The following IP6K3 variants were observed in gnomAD, a reference collection of about 807,000 sequenced individuals.
IP6K3 encodes the protein inositol hexakisphosphate kinase 3.
In IP6K3, 20 loss-of-function variants were observed where a neutral mutation model predicts 28.8. The observed-to-expected ratio is 0.70, with a 90% CI of 0.49 to 1.01. The LOEUF (loss-of-function observed/expected upper bound fraction) is 1.01. IP6K3 is among the 50% of genes least tolerant of loss of function. The pLI is 0.00. For synonymous variants in IP6K3, 213 were observed against 221.3 expected, an observed-to-expected ratio of 0.96 and a Z score of 0.33; for missense variants, 480 against 537.1, an observed-to-expected ratio of 0.89 and a Z score of 1.05.
the IP6K3 span, among the ~76,000 whole-genome samples, chr6:33,756,319 T>G: frequency 6.6e-6 from 1 of 151,936 alleles, no homozygotes; most frequent in Non-Finnish European, 1.5e-5. Context: ...AGCAGAGACT[T>G]GAGGAGGTAG....
intron 2 of IP6K3, among the ~76,000 whole-genome samples, chr6:33,728,842 T>C (rs1305028306): frequency 6.6e-6 from 1 of 152,168 alleles, no homozygotes; most frequent in African/African-American, 2.4e-5. Flanking sequence ...AGGCTTCCTC[T>C]CACAGCCTTC....
chr6:33,728,315 G>A lies in IP6K3; in HGVS notation c.200-15C>T, dbSNP rs1027713243. ...TGTGACGGTACCTGCAAACACACAG[G>A]GAAGGGGAGGGGAGGAGCCAGTTGA... On this transcript the variant is annotated splice_polypyrimidine_tract_variant and intron_variant, in intron 2 of 5. Coordinates refer to ENST00000293756, the MANE Select transcript of IP6K3 (RefSeq NM_054111.5). 6.2e-6 allele frequency: 10 copies of A among 1,612,906 alleles called. No homozygotes were observed. The highest frequency in any genetic ancestry group is 5.0e-5 in the Admixed American group (3 of 60,012).
intron 1 of IP6K3, among the ~76,000 whole-genome samples, chr6:33,736,383 G>A (rs899876748): frequency 9.2e-5 from 14 of 151,952 alleles, no homozygotes; most frequent in Admixed American, 2.0e-4. Flanking sequence ...TTATGGGTAC[G>A]GGAGTGCTTG....
In IP6K3 at chr6:33,729,607, G is replaced by A. The variant is rs866598281; in HGVS notation, c.200-1307C>T. 4.6e-5 allele frequency among the ~76,000 whole-genome samples: 7 copies of A among 152,346 alleles called. No homozygotes were observed. In the Middle Eastern group the frequency reaches 0.01, roughly 222 times the overall value. ...TGTTCCTCTGTGGCCCTCCTGGCCT[G>A]GGGTGGTGACAGCTTTCCAGTGTTG... is the stretch of plus-strand genomic sequence containing the variant. On this transcript the variant is annotated intron_variant, in intron 2 of 5. Coordinates refer to ENST00000293756, the MANE Select transcript of IP6K3 (RefSeq NM_054111.5).
chr6:33,722,667 G>C lies in IP6K3; in HGVS notation c.*53C>G. 1.6e-6 allele frequency: 2 copies of C among 1,269,422 alleles called. No individual in the cohort carries two copies. Among genetic ancestry groups the C allele is most frequent in the Non-Finnish European group, 2.2e-6 (2 of 896,480 alleles). The allele number at this position is 1,269,422 out of a possible 1,614,324, so 78.6% of individuals were successfully genotyped here. A position where few individuals can be genotyped will look rare whatever the true frequency, so the allele number is the denominator to read the frequency against. ...GTCTGGACTACCCTAGCAACCAACA[G>C]GTCTCTATTTGAGATCTATAGCCCA... is the stretch of plus-strand genomic sequence containing the variant. On this transcript the variant is annotated 3_prime_UTR_variant, in exon 6 of 6. Coordinates refer to ENST00000293756, the MANE Select transcript of IP6K3 (RefSeq NM_054111.5).
At position 33,723,137 on chromosome 6, in the gene IP6K3, TC is replaced by T; in HGVS notation, c.815del (p.Gly272GlufsTer96). On this transcript the variant is annotated frameshift_variant, in exon 6 of 6. Transcript: ENST00000293756. LOFTEE classifies it low-confidence loss of function (END_TRUNC). ...KYFLCKDKYY[G>X]RKLSVEGFRQ... ...TGAACCCCTCCACTGAGAGTTTTCT[TC>T]CATAGTACTTGTCTTTGCAGAGAAA... 1 of 1,612,952 alleles carries T rather than the reference TC, an allele frequency of 6.2e-7. No individual in the cohort carries two copies. The highest frequency in any genetic ancestry group is 8.5e-7 in the Non-Finnish European group (1 of 1,179,490).
At chr6:33,751,280 C>T (rs1369145135), upstream of IP6K3, among the ~76,000 whole-genome samples, 1 of 152,194 alleles carries the variant, frequency 6.6e-6, no homozygotes, top group Non-Finnish European at 1.5e-5. The surrounding 1 kb of genome is among the most constrained non-coding windows in gnomAD (Gnocchi z 4.3). Context: ...CCTGCCCTGT[C>T]GGGCTCCCCA....
chr6:33,758,967 G>C, the IP6K3 span, among the ~76,000 whole-genome samples: 1 of 152,216 alleles, frequency 6.6e-6, no homozygotes, highest in African/African-American at 2.4e-5. Context: ...TAATATTTAC[G>C]TGTCGTAACA....
chr6:33,723,994 CG>C (rs147935103), intron 5 of IP6K3, among the ~76,000 whole-genome samples: 8,373 of 148,674 alleles, frequency 0.056, 328 homozygotes, highest in African/African-American at 0.11. Flanking sequence ...TGGGCATGGC[CG>C]GGGGGGGGTG....
the IP6K3 span, among the ~76,000 whole-genome samples, chr6:33,756,282 G>A: frequency 0.12 from 18,254 of 152,250 alleles, 1,456 homozygotes; most frequent in Middle Eastern, 0.21. Context: ...AAGCGGGTCA[G>A]GGAAGGCCTG....
At chr6:33,745,392 C>T (rs680608) in intron 1 of IP6K3, among the ~76,000 whole-genome samples, 15,508 of 152,148 alleles carry the variant, frequency 0.1, 1,012 homozygotes, top group Non-Finnish European at 0.15. Context: ...AGGGAAGTGG[C>T]CCAGGAGGGG....
chr6:33,733,774 G>A (rs1176386722), intron 2 of IP6K3, among the ~76,000 whole-genome samples: 4 of 152,214 alleles, frequency 2.6e-5, no homozygotes, highest in African/African-American at 7.2e-5. Flanking sequence ...GACGCTGATC[G>A]GTCTTGTCTT....
chr6:33,745,091 G>C (rs1486827830), intron 1 of IP6K3, among the ~76,000 whole-genome samples: 1 of 152,260 alleles, frequency 6.6e-6, no homozygotes, highest in Non-Finnish European at 1.5e-5. Context: ...TGCAGCCCGC[G>C]GGCCAGCACG....
rs749986599 is a variant in IP6K3 at position 33,725,624 on chromosome 6, C to A, written c.590-8G>T. 1.9e-6 allele frequency: 3 copies of A among 1,612,242 alleles called. No individual in the cohort carries two copies. The highest frequency in any genetic ancestry group is 2.2e-5 in the South Asian group (2 of 90,964). The stretch of plus-strand genomic sequence containing the variant: ...TTTCCAGCAACAAGAACCCTAGTCA[C>A]ACTAAGTTAAGGAAGGCTCTGAGGA... On this transcript the variant is annotated splice_polypyrimidine_tract_variant and splice_region_variant and intron_variant, in intron 4 of 5. Coordinates refer to ENST00000293756, the MANE Select transcript of IP6K3 (RefSeq NM_054111.5).
At position 33,744,037 on chromosome 6, in the gene IP6K3, A is replaced by T. The variant is rs1008733662; in HGVS notation, c.-180+2721T>A. Among the ~76,000 whole-genome samples, 2 of 152,184 alleles carry T rather than the reference A, an allele frequency of 1.3e-5. No individual in the cohort carries two copies. ...TCAAGGTGGGAGAAACATGGGGGCAAGATGACTCACGAAGTCAAGTGCCAC... is the reference window on the plus strand; with the variant it reads ...TCAAGGTGGGAGAAACATGGGGGCATGATGACTCACGAAGTCAAGTGCCAC... On this transcript the variant is annotated intron_variant, in intron 1 of 5. Transcript: ENST00000293756. The surrounding 1 kb of genome is among the most constrained non-coding windows in gnomAD (Gnocchi z 4.4).
intron 2 of IP6K3, among the ~76,000 whole-genome samples, chr6:33,728,590 C>T (rs914992801): frequency 1.5e-4 from 23 of 152,218 alleles, no homozygotes; most frequent in African/African-American, 4.8e-4. Flanking sequence ...AAGTCAACTC[C>T]GCACATTTTG....
chr6:33,731,780 C>T (rs1766331014), intron 2 of IP6K3, among the ~76,000 whole-genome samples: 1 of 152,166 alleles, frequency 6.6e-6, no homozygotes, highest in Non-Finnish European at 1.5e-5. Flanking sequence ...ATGCAAGCTC[C>T]AGCCTGGTCT....
At chr6:33,760,874 A>G in the IP6K3 span, among the ~76,000 whole-genome samples, 1,305 of 151,630 alleles carry the variant, frequency 8.6e-3, 19 homozygotes, top group Non-Finnish European at 0.012. Context: ...TGTGTAGCCC[A>G]CAAAGGAAGT....
chr6:33,755,600 G>A, the IP6K3 span, among the ~76,000 whole-genome samples: 1 of 152,224 alleles, frequency 6.6e-6, no homozygotes, highest in East Asian at 1.9e-4. Context: ...CCTGTGTTTT[G>A]TGTGGTGGCC....
Sources: gnomAD v4.1 joint callset for allele counts (sites outside exome capture counted in the v4.1 genomes callset) on GRCh38, gnomAD v4.1.1 for gene constraint, Gnocchi (gnomAD v3.1) non-coding constraint, MANE v1.5 for transcripts, NCBI Gene and HGNC (gene_info 2026-07-23, HGNC 2026-07-21) for gene names.